The following WASF1 variants were observed in gnomAD, a reference collection of about 807,000 sequenced individuals.
WASF1 encodes WASP family member 1.
WASF1 carries 7 observed loss-of-function variants against 50.5 expected under a neutral mutation model. That is an observed-to-expected ratio of 0.14 (90% CI 0.08 to 0.26). The LOEUF is 0.26. WASF1 is among the 10% of genes least tolerant of loss of function. WASF1 has a pLI of 1.00. For missense variants in WASF1, 470 were observed against 694.7 expected (o/e 0.68, Z 3.64); for synonymous variants, 205 against 244.0 (o/e 0.84, Z 1.49).
chr6:110,114,397 CA>C (rs1351789494), intron 4 of WASF1, among the ~76,000 whole-genome samples: 2 of 152,056 alleles, frequency 1.3e-5, no homozygotes, highest in Admixed American at 6.6e-5. Flanking sequence ...ATAAATGAAT[CA>C]AACTTAAGGG....
rs944971546 is a variant in WASF1 at position 110,100,127 on chromosome 6, A to G, written c.*395T>C. 1.9e-5 allele frequency: 3 copies of G among 154,874 alleles called. No individual in the cohort carries two copies. Among genetic ancestry groups the G allele is most frequent in the African/African-American group, 7.2e-5 (3 of 41,552 alleles). 9.6% of individuals were successfully genotyped at this position (154,874 alleles called of 1,614,324 possible). A position where few individuals can be genotyped will look rare whatever the true frequency, so the allele number is the denominator to read the frequency against. On this transcript the variant is annotated 3_prime_UTR_variant, in exon 11 of 11. Coordinates refer to ENST00000392589, the MANE Select transcript of WASF1 (RefSeq NM_003931.3). ...AAGGCAGTGTTTCTTCTTTTAAAAC[A>G]TCAGGAAATGGAATAAGGCTCATTA... is the stretch of plus-strand genomic sequence containing the variant.
chr6:110,155,014 G>T (rs2114589971), intron 3 of WASF1, among the ~76,000 whole-genome samples: 1 of 152,158 alleles, frequency 6.6e-6, no homozygotes, highest in Non-Finnish European at 1.5e-5. Flanking sequence ...TAATGAAATA[G>T]ATACTTCTGA....
At chr6:110,157,297 A>T (rs1378209498) in intron 3 of WASF1, among the ~76,000 whole-genome samples, 1 of 34,520 alleles carries the variant, frequency 2.9e-5, no homozygotes, top group African/African-American at 2.9e-4. Flanking sequence ...ATTTCTAGGT[A>T]TTTTATTCTC....
rs113116847 is a variant in WASF1 at position 110,101,782 on chromosome 6, A to G, written c.1328T>C (p.Val443Ala). Reference protein sequence around the residue: ...PPPGIRPSSPVTVTALAHPPS... With the variant: ...PPPGIRPSSPATVTALAHPPS... The stretch of plus-strand genomic sequence containing the variant: ...AGGATGAGCAAGAGCTGTAACTGTG[A>G]CAGGTGATGATGGTCGAATGCCAGG... The change falls in exon 10 of 11, where the codon GTC (valine) becomes GCC (alanine). Residue 443 changes from valine (V) to alanine (A), a missense_variant. By Grantham distance (64) the Val-to-Ala change is moderately conservative. Around this residue, in one of 3 missense-constraint regions of WASF1, gnomAD observed 294 missense variants for 343.5 expected, o/e 0.86. Coordinates refer to ENST00000392589, the MANE Select transcript of WASF1 (RefSeq NM_003931.3). 1.2e-6 allele frequency: 2 copies of G among 1,614,086 alleles called. No homozygotes were observed. The highest frequency in any genetic ancestry group is 1.7e-6 in the Non-Finnish European group (2 of 1,180,002).
chr6:110,135,595 A>G (rs182303508), intron 3 of WASF1, among the ~76,000 whole-genome samples: 135 of 152,252 alleles, frequency 8.9e-4, no homozygotes, highest in African/African-American at 3.2e-3. Context: ...TGGTCTCCTA[A>G]AGCTACCCAT....
intron 2 of WASF1, chr6:110,177,056 A>G (rs1179067417): frequency 1.3e-5 from 2 of 152,082 alleles, no homozygotes; most frequent in Non-Finnish European, 2.9e-5. Context: ...AGCAAAATGT[A>G]TAATTAAATA....
At chr6:110,106,142 G>A (rs537228165) in intron 7 of WASF1, among the ~76,000 whole-genome samples, 13 of 152,318 alleles carry the variant, frequency 8.5e-5, no homozygotes, top group African/African-American at 2.6e-4. Flanking sequence ...TAGAGTAAGT[G>A]TAACAAATTC....
rs989586268 is a variant in WASF1 at position 110,118,923 on chromosome 6, C to T, written c.134-5463G>A. On this transcript the variant is annotated intron_variant, in intron 4 of 10. Transcript: ENST00000392589. ...ACCGCACAACTACATGGAAACTGAA[C>T]AACCTGCTCCTGAATGACTAATGGG... Among the ~76,000 whole-genome samples, 4 of 152,276 alleles carry T rather than the reference C, an allele frequency of 2.6e-5. No individual in the cohort carries two copies. The South Asian group carries it at 8.3e-4, about 32-fold the overall frequency.
chr6:110,127,026 T>A (rs936747837), intron 4 of WASF1, among the ~76,000 whole-genome samples: 1 of 152,154 alleles, frequency 6.6e-6, no homozygotes, highest in African/African-American at 2.4e-5. Flanking sequence ...AATGACCCCA[T>A]ACCTCTCACC....
intron 3 of WASF1, among the ~76,000 whole-genome samples, chr6:110,144,835 A>G (rs971559619): frequency 2.4e-4 from 37 of 152,184 alleles, no homozygotes; most frequent in Non-Finnish European, 3.7e-4. Flanking sequence ...TTTTGGTACC[A>G]GTACCATGCT....
intron 3 of WASF1, among the ~76,000 whole-genome samples, chr6:110,145,669 AG>A (rs1213865354): frequency 2.0e-5 from 3 of 152,124 alleles, no homozygotes; most frequent in Non-Finnish European, 2.9e-5. Context: ...TTTAGCATGA[AG>A]GGTTGCTGAA....
chr6:110,146,707 A>T (rs1276800401), intron 3 of WASF1, among the ~76,000 whole-genome samples: 3 of 152,092 alleles, frequency 2.0e-5, no homozygotes, highest in Non-Finnish European at 4.4e-5. Flanking sequence ...ACATTATCTC[A>T]AACTGTTTCA....
In WASF1 at chr6:110,102,225, A is replaced by G; in HGVS notation, c.894-9T>C. On this transcript the variant is annotated splice_polypyrimidine_tract_variant and intron_variant, in intron 9 of 10. Coordinates refer to ENST00000392589, the MANE Select transcript of WASF1 (RefSeq NM_003931.3). ...TCAAACCTGTAGCAGAACTGAAATG[A>G]CAAAGAGATTCTAGCAAGTTATTAA... The G allele has an allele frequency of 7.2e-7, 1 of 1,382,816 alleles. No homozygotes were observed. Among genetic ancestry groups the G allele is most frequent in the Non-Finnish European group, 9.4e-7 (1 of 1,063,004 alleles). The allele number at this position is 1,382,816 out of a possible 1,614,324, so 85.7% of individuals were successfully genotyped here. A position where few individuals can be genotyped will look rare whatever the true frequency, so the allele number is the denominator to read the frequency against.
rs1308411916 is a variant in WASF1, at chr6:110,101,579, G to C, written c.1522+9C>G. The C allele has an allele frequency of 1.2e-6, 2 of 1,600,718 alleles. No individual in the cohort carries two copies. Among genetic ancestry groups the C allele is most frequent in the Non-Finnish European group, 1.7e-6 (2 of 1,171,756 alleles). On this transcript the variant is annotated intron_variant, in intron 10 of 10. Transcript: ENST00000392589. Reference sequence around the variant, plus strand: ...ATAGCAATGCTTTTCATGGAGCTGAGAAAATTACCTTTTCGTATTGCTTCC... The same window carrying C: ...ATAGCAATGCTTTTCATGGAGCTGACAAAATTACCTTTTCGTATTGCTTCC...
chr6:110,155,115 T>C (rs1776002977), intron 3 of WASF1, among the ~76,000 whole-genome samples: 1 of 152,010 alleles, frequency 6.6e-6, no homozygotes, highest in Admixed American at 6.6e-5. Flanking sequence ...ATCAGACTCT[T>C]TACATATTTT....
At chr6:110,159,204 G>A (rs1023618736) in intron 3 of WASF1, among the ~76,000 whole-genome samples, 2 of 151,734 alleles carry the variant, frequency 1.3e-5, no homozygotes, top group Non-Finnish European at 2.9e-5. Context: ...AGGCAAATTC[G>A]GTAGATGCAA....
intron 3 of WASF1, among the ~76,000 whole-genome samples, chr6:110,128,523 G>A (rs1428245722): frequency 4.6e-5 from 7 of 152,278 alleles, no homozygotes; most frequent in Middle Eastern, 3.4e-3. Context: ...TTATTTAACT[G>A]ATCAAAAAGT....
At chr6:110,101,547 T>C in intron 10 of WASF1, 41 bp downstream of exon 10, 14 of 1,538,758 alleles carry the variant, frequency 9.1e-6, no homozygotes, top group Non-Finnish European at 1.2e-5. Flanking sequence ...AAGTTTCCAA[T>C]GCTACTATAG....
chr6:110,109,765 T>C (rs1773479389), intron 5 of WASF1, among the ~76,000 whole-genome samples: 1 of 152,030 alleles, frequency 6.6e-6, no homozygotes, highest in East Asian at 1.9e-4. Context: ...GTTCACTATG[T>C]TGGCCAGGCT....
Sources: gnomAD v4.1 joint callset for allele counts (sites outside exome capture counted in the v4.1 genomes callset) on GRCh38, gnomAD v4.1.1 for gene constraint, gnomAD v4.1.1 regional missense constraint, MANE v1.5 for transcripts, NCBI Gene and HGNC (gene_info 2026-07-23, HGNC 2026-07-21) for gene names.